The following SORBS2 variants were observed in gnomAD, a reference collection of about 807,000 sequenced individuals.
The protein encoded by SORBS2 is sorbin and SH3 domain-containing protein 2.
In SORBS2, 46 loss-of-function variants were observed where a neutral mutation model predicts 97.7. That is an observed-to-expected ratio of 0.47 (90% CI 0.37 to 0.60). The LOEUF is 0.60. Among genes scored for constraint, SORBS2 ranks in the 20% least tolerant of loss-of-function variants. The probability of loss-of-function intolerance (pLI) is 0.00; values close to 1 mark genes in which losing one functional copy is unlikely to be tolerated. For synonymous variants in SORBS2, 476 were observed against 473.4 expected (o/e 1.01, Z -0.07); for missense variants, 1,316 against 1,282.3 (o/e 1.03, Z -0.40).
chr4:185,836,828 C>G (rs1235445753), intron 1 of SORBS2, among the ~76,000 whole-genome samples: 1 of 152,112 alleles, frequency 6.6e-6, no homozygotes, highest in African/African-American at 2.4e-5. Flanking sequence ...AGAAATTATG[C>G]GAGAACTTGG....
intron 1 of SORBS2, among the ~76,000 whole-genome samples, chr4:185,926,522 C>A (rs1173645986): frequency 2.1e-5 from 3 of 144,000 alleles, no homozygotes; most frequent in African/African-American, 7.6e-5. Flanking sequence ...TCGTTTTGGA[C>A]GTGTTGATTT....
intron 1 of SORBS2, among the ~76,000 whole-genome samples, chr4:185,937,766 G>A (rs759257499): frequency 2.6e-5 from 4 of 152,198 alleles, no homozygotes; most frequent in Non-Finnish European, 5.9e-5. Context: ...TGTGAAGAGG[G>A]ATGCTGCCTC....
chr4:185,659,818 T>C (rs2097486210), upstream of SORBS2, among the ~76,000 whole-genome samples: 1 of 152,224 alleles, frequency 6.6e-6, no homozygotes, highest in Non-Finnish European at 1.5e-5. Flanking sequence ...GATACTAGTA[T>C]TTTTATTAGC....
chr4:185,766,806 G>A (rs1042917986), intron 2 of SORBS2, among the ~76,000 whole-genome samples: 1 of 152,162 alleles, frequency 6.6e-6, no homozygotes, highest in Admixed American at 6.5e-5. Flanking sequence ...GCATATTCCA[G>A]GGGTCACAGT....
intron 2 of SORBS2, among the ~76,000 whole-genome samples, chr4:185,746,610 G>C (rs1039722986): frequency 6.6e-6 from 1 of 152,122 alleles, no homozygotes; most frequent in African/African-American, 2.4e-5. Flanking sequence ...GGGCCACCGC[G>C]CCCGGCCTTA....
intron 1 of SORBS2, among the ~76,000 whole-genome samples, chr4:185,859,314 A>C (rs1254863138): frequency 6.6e-6 from 1 of 152,132 alleles, no homozygotes; most frequent in East Asian, 1.9e-4. Context: ...CATGAGACAA[A>C]ACTGAAATAT....
chr4:185,785,925 T>C (rs2099054396), intron 1 of SORBS2, among the ~76,000 whole-genome samples: 1 of 152,104 alleles, frequency 6.6e-6, no homozygotes, highest in Non-Finnish European at 1.5e-5. Context: ...AGAAGAGGGG[T>C]GAAGAATATA....
At chr4:185,889,560 G>A (rs1482338207) in intron 1 of SORBS2, among the ~76,000 whole-genome samples, 1 of 151,876 alleles carries the variant, frequency 6.6e-6, no homozygotes, top group African/African-American at 2.4e-5. Context: ...TCTCTGCTTC[G>A]ATTCAAAATG....
Position 185,907,192 on chromosome 4 carries a change from A to G in SORBS2, c.-338+49004T>C, listed in dbSNP as rs148691710. On this transcript the variant is annotated intron_variant, in intron 1 of 20. Transcript: ENST00000284776. ...GGAAGATTTGTTGTCCATCTATTCC[A>G]TCATATGCTCACTTGTCTTGTTGGT... is the stretch of plus-strand genomic sequence containing the variant. Among the ~76,000 whole-genome samples, 624 of 151,758 alleles carry G rather than the reference A, an allele frequency of 4.1e-3. 5 individuals are homozygous for G. Among genetic ancestry groups the G allele is most frequent in the African/African-American group, 0.014 (596 of 41,386 alleles).
At chr4:185,862,810 G>C (rs1348512301) in intron 1 of SORBS2, among the ~76,000 whole-genome samples, 4 of 152,146 alleles carry the variant, frequency 2.6e-5, no homozygotes, top group African/African-American at 7.2e-5. Flanking sequence ...ACTGAGGGTG[G>C]TGGTGGGGCT....
chr4:185,656,885 A>C, exon 1 of SORBS2: 1 of 1,273,452 alleles, frequency 7.9e-7, no homozygotes, highest in Non-Finnish European at 9.9e-7. Flanking sequence ...GGACATTAAA[A>C]TGTGTATTTT....
intron 2 of SORBS2, among the ~76,000 whole-genome samples, chr4:185,728,674 G>A (rs75770750): frequency 0.072 from 10,976 of 152,218 alleles, 539 homozygotes; most frequent in African/African-American, 0.14. Flanking sequence ...TAATCATGGC[G>A]ATTCTCAGAT....
intron 1 of SORBS2, among the ~76,000 whole-genome samples, chr4:185,945,651 C>G (rs1198295415): frequency 1.3e-5 from 2 of 152,124 alleles, no homozygotes; most frequent in East Asian, 3.8e-4. Context: ...ATTATTCACT[C>G]AACAAACATT....
At position 185,637,537 on chromosome 4, in the gene SORBS2, T is replaced by C. The variant is rs1182688404; in HGVS notation, c.397-6939A>G. ...AACTGCCCAGAGATTTTCATTTTTC[T>C]TTAACAGGCTCTGCGTTTAACTTCT... On this transcript the variant is annotated intron_variant, in intron 4 of 14. Transcript: ENST00000418609. Among the ~76,000 whole-genome samples, 6 of 152,356 alleles carry C rather than the reference T, an allele frequency of 3.9e-5. No homozygotes were observed. In the East Asian group the frequency reaches 1.2e-3, roughly 29 times the overall value.
At chr4:185,933,910 A>G (rs964482481) in intron 1 of SORBS2, among the ~76,000 whole-genome samples, 1 of 152,232 alleles carries the variant, frequency 6.6e-6, no homozygotes, top group Non-Finnish European at 1.5e-5. Flanking sequence ...GCTTAGGAAC[A>G]TAAGTTGACC....
At chr4:185,908,090 G>T (rs566715733) in intron 1 of SORBS2, among the ~76,000 whole-genome samples, 1 of 151,632 alleles carries the variant, frequency 6.6e-6, no homozygotes, top group Admixed American at 6.6e-5. Context: ...CAAAACAAGC[G>T]CATTCTCAGG....
At chr4:185,609,269 C>G (rs771572659) in intron 12 of SORBS2, among the ~76,000 whole-genome samples, 1 of 152,170 alleles carries the variant, frequency 6.6e-6, no homozygotes, top group African/African-American at 2.4e-5. Context: ...TTACATAACA[C>G]AGAAGTTTTC....
At chr4:185,762,469 A>C (rs2098901937) in intron 2 of SORBS2, among the ~76,000 whole-genome samples, 1 of 152,070 alleles carries the variant, frequency 6.6e-6, no homozygotes, top group South Asian at 2.1e-4. Context: ...GACAGAACCC[A>C]AGGGAGTAAC....
At chr4:185,666,399 TG>T (rs777693514) in intron 4 of SORBS2, among the ~76,000 whole-genome samples, 9 of 152,272 alleles carry the variant, frequency 5.9e-5, no homozygotes, top group Non-Finnish European at 1.2e-4. Flanking sequence ...ATCCAGTCGG[TG>T]TGTTTTGAAA....
Sources: gnomAD v4.1 joint callset for allele counts (sites outside exome capture counted in the v4.1 genomes callset) on GRCh38, gnomAD v4.1.1 for gene constraint, MANE v1.5 for transcripts, NCBI Gene and HGNC (gene_info 2026-07-23, HGNC 2026-07-21) for gene names.